The following KATNB1 variants were observed in gnomAD, a reference collection of about 807,000 sequenced individuals.
The protein encoded by KATNB1 is katanin p80 WD40 repeat-containing subunit B1.
KATNB1 carries 38 observed loss-of-function variants against 82.3 expected under a neutral mutation model. That is an observed-to-expected ratio of 0.46 (90% CI 0.36 to 0.61). KATNB1 has a LOEUF of 0.61. Ranked by LOEUF, KATNB1 falls within the 20% of genes least tolerant of loss-of-function variation. The probability of loss-of-function intolerance (pLI) is 0.00; values close to 1 mark genes in which losing one functional copy is unlikely to be tolerated. For synonymous variants in KATNB1, 361 were observed against 368.7 expected, an observed-to-expected ratio of 0.98 and a Z score of 0.24; for missense variants, 749 against 915.7, an observed-to-expected ratio of 0.82 and a Z score of 2.35.
At chr16:57,754,736 T>C (rs554820190) in intron 13 of KATNB1, among the ~76,000 whole-genome samples, 194 bp from the exon 14 acceptor site, 241 of 152,136 alleles carry the variant, frequency 1.6e-3, no homozygotes, top group Middle Eastern at 3.4e-3. Flanking sequence ...TAAGGTTGAG[T>C]TGGGGGAGAG....
chr16:57,745,058 C>T (rs919169455), intron 4 of KATNB1, among the ~76,000 whole-genome samples: 3 of 152,172 alleles, frequency 2.0e-5, no homozygotes, highest in Non-Finnish European at 2.9e-5. Context: ...CCTCAAATAC[C>T]AGTATTTCTA....
At position 57,757,149 on chromosome 16, in the gene KATNB1, C is replaced by T. The variant is rs2049300536; in HGVS notation, c.*203C>T. On this transcript the variant is annotated 3_prime_UTR_variant, in exon 20 of 20. Transcript: ENST00000379661. ...ACAACTCTCTCCAGCAATAGCTGCC[C>T]AGCTTTGCCCAACTGTTGCTTCTTG... is the stretch of plus-strand genomic sequence containing the variant. 4.3e-6 allele frequency: 2 copies of T among 460,252 alleles called. No homozygotes were observed. The highest frequency in any genetic ancestry group is 7.1e-6 in the Non-Finnish European group (2 of 280,872). The allele number at this position is 460,252 out of a possible 1,614,324, so 28.5% of individuals were successfully genotyped here.
rs782512817 is a variant in KATNB1, at chr16:57,755,115, T to G, written c.1297-4T>G. On this transcript the variant is annotated splice_polypyrimidine_tract_variant and splice_region_variant and intron_variant, in intron 14 of 19. Transcript: ENST00000379661. ...CCGGCAACCGCTGAGTTTCACACTTTCAGCTGGAGGTCCTGCCCCGGCCCC... is the reference window on the plus strand; with the variant it reads ...CCGGCAACCGCTGAGTTTCACACTTGCAGCTGGAGGTCCTGCCCCGGCCCC... 2.0e-5 allele frequency: 32 copies of G among 1,612,882 alleles called. 1 individual carries two copies. The East Asian group carries it at 5.8e-4, about 29-fold the overall frequency.
chr16:57,741,968 G>T, intron 3 of KATNB1, 151 bp downstream of exon 3: 2 of 908,214 alleles, frequency 2.2e-6, no homozygotes, highest in South Asian at 3.1e-5. Context: ...TGGAGGGGGC[G>T]TGGTGGGGAC....
In KATNB1 at chr16:57,741,677, C is replaced by A. The variant is rs782234660; in HGVS notation, c.41-10C>A. ...GCCCTGATGGCCTCTCCCTCTCCTT[C>A]CCTGTGTAGAAGAGATCGTCGCGCA... On this transcript the variant is annotated splice_polypyrimidine_tract_variant and intron_variant, in intron 2 of 19. Transcript: ENST00000379661. 2 of 1,610,452 alleles carry A rather than the reference C, an allele frequency of 1.2e-6. No individual in the cohort carries two copies. Among genetic ancestry groups the A allele is most frequent in the African/African-American group, 1.3e-5 (1 of 74,880 alleles).
At chr16:57,738,240 G>A (rs1281166528) in intron 2 of KATNB1, among the ~76,000 whole-genome samples, 1 of 150,496 alleles carries the variant, frequency 6.6e-6, no homozygotes, top group East Asian at 2.0e-4. Context: ...TGGTTTTCAG[G>A]AGCTGGGACA....
rs925878124 is a variant in KATNB1, at chr16:57,751,064, C to A, written c.390+137C>A. 4 of 846,900 alleles carry A rather than the reference C, an allele frequency of 4.7e-6. No homozygotes were observed. The highest frequency in any genetic ancestry group is 7.8e-6 in the Non-Finnish European group (4 of 515,172). The allele number at this position is 846,900 out of a possible 1,614,324, so 52.5% of individuals were successfully genotyped here. A position where few individuals can be genotyped will look rare whatever the true frequency, so the allele number is the denominator to read the frequency against. On this transcript the variant is annotated intron_variant, in intron 5 of 19. Transcript: ENST00000379661. This position sits in a 1 kb window ranked among gnomAD's most constrained non-coding sequence, Gnocchi z 6.3. ...CACATCCACACCATCCTAGGGAAAG[C>A]GGGTGGCAGGCATCTATCTGCCAGA...
At chr16:57,738,913 C>A (rs1378362641) in intron 2 of KATNB1, among the ~76,000 whole-genome samples, 3 of 152,028 alleles carry the variant, frequency 2.0e-5, no homozygotes, top group Admixed American at 6.5e-5. Context: ...CTCTGTGTCT[C>A]CTCTAGTTGC....
chr16:57,743,411 G>A (rs1296617328), intron 3 of KATNB1, among the ~76,000 whole-genome samples: 1 of 152,224 alleles, frequency 6.6e-6, no homozygotes, highest in Non-Finnish European at 1.5e-5. Context: ...CAGCAAGGGT[G>A]CCAGGGGTCA....
chr16:57,753,910 G>T (rs1327666665), intron 12 of KATNB1, 35 bp from the exon 13 acceptor site: 1 of 1,611,648 alleles, frequency 6.2e-7, no homozygotes, highest in Non-Finnish European at 8.5e-7. Flanking sequence ...GCCTGGCCAG[G>T]AGCGCTCACA....
At chr16:57,748,468 TAAA>T (rs66719702) in intron 4 of KATNB1, among the ~76,000 whole-genome samples, 7,204 of 134,406 alleles carry the variant, frequency 0.054, 246 homozygotes, top group African/African-American at 0.071. Flanking sequence ...TCTATTTTTT[TAAA>T]AAAAAAAAAA....
intron 16 of KATNB1, 144 bp downstream of exon 16, chr16:57,755,638 C>T (rs889344284): frequency 8.7e-6 from 10 of 1,144,772 alleles, no homozygotes; most frequent in African/African-American, 3.1e-5. Flanking sequence ...CATCTGTTTC[C>T]GCCATCATCA....
intron 2 of KATNB1, among the ~76,000 whole-genome samples, chr16:57,740,194 C>T (rs2049131502): frequency 6.6e-6 from 1 of 152,192 alleles, no homozygotes; most frequent in Admixed American, 6.5e-5. Flanking sequence ...CCCTGGGATC[C>T]CCATGGCGAA....
intron 2 of KATNB1, among the ~76,000 whole-genome samples, chr16:57,740,427 G>T (rs1555579059): frequency 6.6e-6 from 1 of 152,232 alleles, no homozygotes; most frequent in Non-Finnish European, 1.5e-5. Context: ...GTGGTCTGAA[G>T]CCCGCAGCAG....
intron 9 of KATNB1, 84 bp downstream of exon 9, chr16:57,752,685 C>T: frequency 6.4e-7 from 1 of 1,551,184 alleles, no homozygotes; most frequent in Non-Finnish European, 8.7e-7. Flanking sequence ...ATCTCCGCTG[C>T]TGCGCCCTCC....
intron 19 of KATNB1, 47 bp downstream of exon 19, chr16:57,756,519 G>A: frequency 6.6e-7 from 1 of 1,511,234 alleles, no homozygotes; most frequent in Non-Finnish European, 9.1e-7. Context: ...CAACAGGTGA[G>A]GGGACAAAGG....
At chr16:57,743,583 A>C (rs116449663) in intron 3 of KATNB1, among the ~76,000 whole-genome samples, 2,809 of 152,272 alleles carry the variant, frequency 0.018, 112 homozygotes, top group African/African-American at 0.064. Context: ...AAACGGGGCC[A>C]ACCGTCTGGG....
intron 4 of KATNB1, 39 bp downstream of exon 4, chr16:57,744,550 C>T: frequency 1.3e-6 from 2 of 1,493,886 alleles, no homozygotes; most frequent in Non-Finnish European, 1.9e-6. Context: ...CGCACACCTG[C>T]CTTAGTCTTC....
chr16:57,750,714 AT>A, intron 4 of KATNB1, 112 bp from the exon 5 acceptor site: 1 of 785,872 alleles, frequency 1.3e-6, no homozygotes. Context: ...TTATTGTTCT[AT>A]TTTTCTGTGC....
Sources: gnomAD v4.1 joint callset for allele counts (sites outside exome capture counted in the v4.1 genomes callset) on GRCh38, gnomAD v4.1.1 for gene constraint, Gnocchi (gnomAD v3.1) non-coding constraint, MANE v1.5 for transcripts, NCBI Gene and HGNC (gene_info 2026-07-23, HGNC 2026-07-21) for gene names.